POU6F2: variants seen among roughly 807,000 people sequenced by gnomAD.
The protein encoded by POU6F2 is POU class 6 homeobox 2.
POU6F2 carries 31 observed loss-of-function variants against 71.3 expected under a neutral mutation model. The ratio of observed to expected loss-of-function variants is 0.43; its 90% CI spans 0.33 to 0.59. The LOEUF is 0.59. Ranked by LOEUF, POU6F2 falls within the 20% of genes least tolerant of loss-of-function variation. POU6F2 has a pLI of 0.04. For synonymous variants in POU6F2, 347 were observed against 355.7 expected (o/e 0.98, Z 0.27); for missense variants, 783 against 856.8 (o/e 0.91, Z 1.07).
chr7:39,149,450 A>T (rs190183750), intron 2 of POU6F2, among the ~76,000 whole-genome samples: 1 of 152,342 alleles, frequency 6.6e-6, no homozygotes, highest in East Asian at 1.9e-4. Context: ...GCGATACATA[A>T]AGATAGTGAA....
intron 1 of POU6F2, among the ~76,000 whole-genome samples, chr7:38,987,782 TAAG>T (rs1167185460): frequency 6.6e-6 from 1 of 152,148 alleles, no homozygotes; most frequent in Non-Finnish European, 1.5e-5. Context: ...TCACATATAC[TAAG>T]AAGACAGTAA....
At chr7:39,416,093 T>TACACACACACACACACAC (rs57579748) in intron 6 of POU6F2, among the ~76,000 whole-genome samples, 14 of 139,302 alleles carry the variant, frequency 1.0e-4, no homozygotes, top group East Asian at 2.2e-4. Context: ...CTCGAAGGCA[T>TACACACACACACACACAC]ACACACACAC....
chr7:39,037,518 A>AT (rs930925443), intron 1 of POU6F2, among the ~76,000 whole-genome samples: 8 of 151,664 alleles, frequency 5.3e-5, no homozygotes, highest in African/African-American at 1.2e-4. Flanking sequence ...TTTTGTCTTA[A>AT]TTTTTTTTGA....
Position 39,460,013 on chromosome 7 carries a change from A to T in POU6F2, c.1490-534A>T, listed in dbSNP as rs1015577730. Among the ~76,000 whole-genome samples, 3 of 152,152 alleles carry T rather than the reference A, an allele frequency of 2.0e-5. No homozygotes were observed. Among genetic ancestry groups the T allele is most frequent in the Admixed American group, 2.0e-4 (3 of 15,272 alleles). On this transcript the variant is annotated intron_variant, in intron 8 of 9. Coordinates refer to ENST00000518318, the MANE Select transcript of POU6F2 (RefSeq NM_001370959.1). The surrounding 1 kb of genome is among the most constrained non-coding windows in gnomAD (Gnocchi z 4.4). ...ATGCTCTTCTGAGGGACTAATGTGA[A>T]TGTAAGAAATTAGGCAACATTATCA...
rs114686818 is a variant in POU6F2, at chr7:39,197,309, G to T, written c.278-6926G>T. On this transcript the variant is annotated intron_variant, in intron 2 of 9. Transcript: ENST00000518318. Reference sequence around the variant, plus strand: ...GGGTCTTCCTGTCCAACCCGATCCAGGTCTCCAACACATCCCAGCCGGAAG... The same window carrying T: ...GGGTCTTCCTGTCCAACCCGATCCATGTCTCCAACACATCCCAGCCGGAAG... Among the ~76,000 whole-genome samples, 1,455 of 152,338 alleles carry T rather than the reference G, an allele frequency of 9.6e-3. 23 individuals are homozygous for T. Among genetic ancestry groups the T allele is most frequent in the African/African-American group, 0.034 (1,395 of 41,586 alleles).
chr7:39,074,127 T>C (rs545922621), intron 1 of POU6F2, among the ~76,000 whole-genome samples: 1 of 152,306 alleles, frequency 6.6e-6, no homozygotes, highest in South Asian at 2.1e-4. Context: ...GACTGGCAGA[T>C]TGCCTGAGCT....
intron 6 of POU6F2, among the ~76,000 whole-genome samples, chr7:39,408,091 G>A (rs1787478896): frequency 6.6e-6 from 1 of 152,172 alleles, no homozygotes; most frequent in South Asian, 2.1e-4. Flanking sequence ...GGAGGGACGG[G>A]GTATTGGTGT....
chr7:38,981,082 C>G (rs558291097), intron 1 of POU6F2, among the ~76,000 whole-genome samples: 1 of 152,192 alleles, frequency 6.6e-6, no homozygotes, highest in Non-Finnish European at 1.5e-5. Context: ...GAAATCAAAT[C>G]AGATTTCTGA....
At chr7:39,355,212 G>A (rs1465280078) in intron 5 of POU6F2, among the ~76,000 whole-genome samples, 3 of 152,166 alleles carry the variant, frequency 2.0e-5, no homozygotes, top group Admixed American at 6.5e-5. Flanking sequence ...GAAGGGCATG[G>A]TGTTTTTCAT....
chr7:39,449,511 T>C (rs970523311), intron 7 of POU6F2, among the ~76,000 whole-genome samples: 1 of 152,196 alleles, frequency 6.6e-6, no homozygotes, highest in East Asian at 1.9e-4. Flanking sequence ...CATAAAATGG[T>C]ACAACCACTT....
At chr7:39,251,760 T>C (rs1291229966) in intron 4 of POU6F2, among the ~76,000 whole-genome samples, 1 of 152,162 alleles carries the variant, frequency 6.6e-6, no homozygotes, top group African/African-American at 2.4e-5. Context: ...GCCTTGGACA[T>C]GCACTAAGAT....
intron 5 of POU6F2, among the ~76,000 whole-genome samples, chr7:39,346,257 G>T (rs565487406): frequency 6.6e-6 from 1 of 152,160 alleles, no homozygotes; most frequent in African/African-American, 2.4e-5. Context: ...CTTCTTTGTC[G>T]TTGTCTAGAT....
At chr7:39,151,078 G>A (rs1281495919) in intron 2 of POU6F2, among the ~76,000 whole-genome samples, 2 of 151,850 alleles carry the variant, frequency 1.3e-5, no homozygotes, top group Non-Finnish European at 2.9e-5. Context: ...TTCAACCTAT[G>A]GGAGGTAGGG....
At chr7:39,349,867 G>A (rs1467757727) in intron 5 of POU6F2, among the ~76,000 whole-genome samples, 2 of 152,218 alleles carry the variant, frequency 1.3e-5, no homozygotes, top group Non-Finnish European at 2.9e-5. Context: ...GCAGAGAAAG[G>A]CACCATGTTG....
intron 5 of POU6F2, among the ~76,000 whole-genome samples, chr7:39,391,504 A>G (rs1787074879): frequency 6.6e-6 from 1 of 152,194 alleles, no homozygotes; most frequent in African/African-American, 2.4e-5. Context: ...AGTAGTGTAC[A>G]TGTTATTCTG....
chr7:39,036,661 T>C (rs1790071543), intron 1 of POU6F2, among the ~76,000 whole-genome samples: 2 of 143,930 alleles, frequency 1.4e-5, no homozygotes, highest in Non-Finnish European at 3.1e-5. Flanking sequence ...TTATCTGACA[T>C]AGATTTAAAA....
intron 2 of POU6F2, among the ~76,000 whole-genome samples, chr7:39,149,844 C>T (rs1792709830): frequency 6.6e-6 from 1 of 151,548 alleles, no homozygotes; most frequent in African/African-American, 2.4e-5. Flanking sequence ...TAGCATAATG[C>T]CTTTCAGTTT....
chr7:39,176,408 C>T (rs1199524087), intron 2 of POU6F2, among the ~76,000 whole-genome samples: 1 of 152,158 alleles, frequency 6.6e-6, no homozygotes, highest in African/African-American at 2.4e-5. Flanking sequence ...GAATTCTGTA[C>T]AGTGCCTAGA....
At chr7:39,256,778 C>T (rs993218424) in intron 4 of POU6F2, among the ~76,000 whole-genome samples, 8 of 152,072 alleles carry the variant, frequency 5.3e-5, no homozygotes, top group African/African-American at 1.7e-4. Flanking sequence ...TGAAGTTGGA[C>T]GAATAGAGCC....
Sources: allele counts gnomAD v4.1 joint callset (sites outside exome capture counted in the v4.1 genomes callset), GRCh38; gene constraint gnomAD v4.1.1; non-coding constraint Gnocchi (gnomAD v3.1); transcripts MANE v1.5; gene names NCBI Gene and HGNC (gene_info 2026-07-23, HGNC 2026-07-21).